The following SLC4A7 variants were observed in gnomAD, a reference collection of about 807,000 sequenced individuals.
The protein encoded by SLC4A7 is sodium bicarbonate cotransporter 3.
Under a neutral mutation model 137.6 loss-of-function variants are expected in SLC4A7, and 51 were observed. That is an observed-to-expected ratio of 0.37 (90% CI 0.30 to 0.47). The LOEUF (loss-of-function observed/expected upper bound fraction) is 0.47. SLC4A7 is among the 20% of genes least tolerant of loss of function. The probability of loss-of-function intolerance (pLI) is 1.00; values close to 1 mark genes in which losing one functional copy is unlikely to be tolerated. For synonymous variants in SLC4A7, 542 were observed against 518.6 expected (o/e 1.05, Z -0.61); for missense variants, 1,247 against 1,525.4 (o/e 0.82, Z 3.04).
chr3:27,441,188 T>C (rs1026875469), intron 3 of SLC4A7, among the ~76,000 whole-genome samples: 29 of 152,244 alleles, frequency 1.9e-4, no homozygotes, highest in African/African-American at 6.3e-4. Context: ...CATGATATAT[T>C]ATCCTTTTTA....
intron 1 of SLC4A7, among the ~76,000 whole-genome samples, chr3:27,479,909 A>T (rs1278950202): frequency 6.6e-6 from 1 of 152,212 alleles, no homozygotes; most frequent in Non-Finnish European, 1.5e-5. Context: ...TCAGTTGCAG[A>T]TCCTATCCAC....
intron 11 of SLC4A7, among the ~76,000 whole-genome samples, chr3:27,416,178 T>A (rs535689966): frequency 6.6e-6 from 1 of 152,310 alleles, no homozygotes; most frequent in East Asian, 1.9e-4. Context: ...AAACACAATT[T>A]ACTGGAGAGA....
In SLC4A7 at chr3:27,374,522, C is replaced by T. The variant is rs4973768; in HGVS notation, c.*2242G>A. ...TCACTTAAAACAAGCAGTTAATTAC[C>T]TAAACATGAGTTACCTTTGCTCTTA... is the stretch of plus-strand genomic sequence containing the variant. On this transcript the variant is annotated 3_prime_UTR_variant, in exon 26 of 26. Coordinates refer to ENST00000454389, the MANE Select transcript of SLC4A7 (RefSeq NM_001321103.2). The T allele has an allele frequency of 0.44, 66,923 of 152,260 alleles. 15,155 individuals are homozygous for T. The highest frequency in any genetic ancestry group is 0.57 in the Middle Eastern group (169 of 294). The allele number at this position is 152,260 out of a possible 1,614,324, so 9.4% of individuals were successfully genotyped here.
chr3:27,442,851 G>A (rs1288361771), intron 3 of SLC4A7, among the ~76,000 whole-genome samples: 1 of 151,822 alleles, frequency 6.6e-6, no homozygotes, highest in Non-Finnish European at 1.5e-5. Context: ...TGAATTCCTG[G>A]TTACTATCCT....
Position 27,400,752 on chromosome 3 carries a change from A to C in SLC4A7, c.2427+12T>G, listed in dbSNP as rs976353948. 1.3e-6 allele frequency: 2 copies of C among 1,486,016 alleles called. No individual in the cohort carries two copies. Among genetic ancestry groups the C allele is most frequent in the Admixed American group, 1.8e-5 (1 of 57,130 alleles). 92.1% of individuals were successfully genotyped at this position (1,486,016 alleles called of 1,614,324 possible). ...ATCTATTACAAAACCCTTTATTTCA[A>C]AATATACTCACAGAAACAGTAAGAT... On this transcript the variant is annotated intron_variant, in intron 16 of 25. Coordinates refer to ENST00000454389, the MANE Select transcript of SLC4A7 (RefSeq NM_001321103.2).
At chr3:27,466,079 T>C (rs1455557714) in intron 1 of SLC4A7, among the ~76,000 whole-genome samples, 2 of 151,948 alleles carry the variant, frequency 1.3e-5, no homozygotes, top group East Asian at 1.9e-4. Flanking sequence ...TACAGGAACA[T>C]AATACAGGAA....
intron 2 of SLC4A7, among the ~76,000 whole-genome samples, chr3:27,451,018 G>A (rs963291332): frequency 2.0e-5 from 3 of 151,698 alleles, no homozygotes; most frequent in Non-Finnish European, 4.4e-5. Flanking sequence ...TAAAATTACC[G>A]CTAAAAATTT....
At chr3:27,450,996 C>T (rs2058037593) in intron 2 of SLC4A7, among the ~76,000 whole-genome samples, 1 of 151,926 alleles carries the variant, frequency 6.6e-6, no homozygotes, top group African/African-American at 2.4e-5. Flanking sequence ...TATGACTGTA[C>T]ATTTGAATTA....
At chr3:27,463,346 C>A (rs940318253) in intron 1 of SLC4A7, among the ~76,000 whole-genome samples, 2 of 152,144 alleles carry the variant, frequency 1.3e-5, no homozygotes, top group African/African-American at 4.8e-5. Context: ...AAGAGAATAG[C>A]GTGGACCCGG....
At chr3:27,389,848 T>A in intron 22 of SLC4A7, 83 bp downstream of exon 22, 1 of 1,076,400 alleles carries the variant, frequency 9.3e-7, no homozygotes, top group Non-Finnish European at 1.3e-6. Flanking sequence ...ATTCTTTTTC[T>A]CAAAATCAAT....
intron 1 of SLC4A7, among the ~76,000 whole-genome samples, chr3:27,455,705 C>T (rs2058361910): frequency 6.6e-6 from 1 of 151,704 alleles, no homozygotes; most frequent in Admixed American, 6.6e-5. Context: ...TGGTGAAACC[C>T]TGTCTCTACT....
At chr3:27,429,084 G>A (rs2055970704) in intron 7 of SLC4A7, among the ~76,000 whole-genome samples, 2 of 151,884 alleles carry the variant, frequency 1.3e-5, no homozygotes, top group Non-Finnish European at 2.9e-5. Flanking sequence ...TGGCCAACAT[G>A]GTGAAACCCC....
chr3:27,456,975 T>G (rs2058448258), intron 1 of SLC4A7: 1 of 975,980 alleles, frequency 1.0e-6, no homozygotes, highest in Non-Finnish European at 1.2e-6. Context: ...ACTGAAACCT[T>G]TCTGCAATGT....
intron 4 of SLC4A7, among the ~76,000 whole-genome samples, chr3:27,436,922 A>G (rs547154691): frequency 6.6e-6 from 1 of 152,346 alleles, no homozygotes; most frequent in African/African-American, 2.4e-5. Flanking sequence ...ATTTGAGAAT[A>G]AAGAGAAAAA....
chr3:27,452,487 T>C lies in SLC4A7; in HGVS notation c.72A>G (p.Glu24=), dbSNP rs745452532. 1.2e-6 allele frequency: 2 copies of C among 1,605,382 alleles called. No homozygotes were observed. The highest frequency in any genetic ancestry group is 3.5e-5 in the Admixed American group (2 of 57,778). The change falls in exon 2 of 26, where the codon GAA becomes GAG. Residue 24 remains glutamate (E), a synonymous_variant. Coordinates refer to ENST00000454389, the MANE Select transcript of SLC4A7 (RefSeq NM_001321103.2). ...LTRVTSRGPD[E]EAVVDLGKTS... is the part of the protein sequence containing the mutation. ...TTTTGCCAAGATCCACAACAGCTTCTTCATCAGGACCCTAAAAACAAATTA... is the reference window on the plus strand; with the variant it reads ...TTTTGCCAAGATCCACAACAGCTTCCTCATCAGGACCCTAAAAACAAATTA...
At chr3:27,379,392 T>G in intron 24 of SLC4A7, 36 bp from the exon 25 acceptor site, 1 of 1,093,120 alleles carries the variant, frequency 9.1e-7, no homozygotes, top group Non-Finnish European at 1.3e-6. Context: ...TAGTATTCAG[T>G]ACTTGCAAAA....
At chr3:27,420,642 A>G (rs1344431556) in intron 10 of SLC4A7, 58 bp downstream of exon 10, 2 of 1,089,200 alleles carry the variant, frequency 1.8e-6, no homozygotes, top group Non-Finnish European at 2.8e-6. Flanking sequence ...AATCTAATAT[A>G]TACTATATGC....
At chr3:27,445,748 T>C (rs750664019) in intron 3 of SLC4A7, among the ~76,000 whole-genome samples, 1 of 118,960 alleles carries the variant, frequency 8.4e-6, no homozygotes, top group Non-Finnish European at 1.7e-5. Flanking sequence ...TGAAATCCTG[T>C]CTCTACTAAA....
chr3:27,425,663 C>A (rs1025254831), intron 7 of SLC4A7, among the ~76,000 whole-genome samples: 2 of 44,506 alleles, frequency 4.5e-5, no homozygotes, highest in East Asian at 5.6e-4. Context: ...GCAACAAGAG[C>A]AAAACTCTGT....
Sources: gnomAD v4.1 joint callset for allele counts (sites outside exome capture counted in the v4.1 genomes callset) on GRCh38, gnomAD v4.1.1 for gene constraint, MANE v1.5 for transcripts, NCBI Gene and HGNC (gene_info 2026-07-23, HGNC 2026-07-21) for gene names.